Variants in MEIS2 observed in about 807,000 individuals in gnomAD.
The protein encoded by MEIS2 is homeobox protein Meis2.
In MEIS2, 9 loss-of-function variants were observed where a neutral mutation model predicts 58.6. That is an observed-to-expected ratio of 0.15 (90% CI 0.09 to 0.27). MEIS2 has a LOEUF of 0.27. Ranked by LOEUF, MEIS2 falls within the 10% of genes least tolerant of loss-of-function variation. MEIS2 has a pLI of 1.00. For synonymous variants in MEIS2, 221 were observed against 228.4 expected (o/e 0.97, Z 0.29); for missense variants, 427 against 635.0 (o/e 0.67, Z 3.52).
At chr15:36,986,659 G>A (rs992986986) in intron 8 of MEIS2, among the ~76,000 whole-genome samples, 1 of 152,170 alleles carries the variant, frequency 6.6e-6, no homozygotes, top group Non-Finnish European at 1.5e-5. Flanking sequence ...TCCTTTCTCA[G>A]AGGACCGAGT....
intron 7 of MEIS2, among the ~76,000 whole-genome samples, chr15:37,082,877 A>G (rs1892416412): frequency 6.7e-6 from 1 of 149,900 alleles, no homozygotes; most frequent in African/African-American, 2.5e-5. Flanking sequence ...TCGAGCTGTT[A>G]AACTGTCCTC....
intron 7 of MEIS2, among the ~76,000 whole-genome samples, chr15:37,066,019 C>T (rs1230382339): frequency 6.6e-6 from 1 of 152,196 alleles, no homozygotes; most frequent in Non-Finnish European, 1.5e-5. Flanking sequence ...TAGCCTTCAG[C>T]ACCTCTTGTA....
intron 7 of MEIS2, among the ~76,000 whole-genome samples, chr15:37,067,716 C>T (rs1890144372): frequency 6.6e-6 from 1 of 152,028 alleles, no homozygotes; most frequent in South Asian, 2.1e-4. Context: ...CCTGAGACTC[C>T]TTCTGCTCCA....
rs754963373 is a variant in MEIS2, at chr15:36,892,408, A to G, written c.1199T>C (p.Met400Thr). The part of the protein sequence containing the change: ...DYVSQGGPMG[M>T]SMAQPSYTPP... Reference sequence around the variant, plus strand: ...AGTGTAACTTGGCTGTGCCATACTCATTCCCATAGGACCACCCTGAGAAAC... The same window carrying G: ...AGTGTAACTTGGCTGTGCCATACTCGTTCCCATAGGACCACCCTGAGAAAC... Residue 400 changes from methionine (M) to threonine (T), a missense_variant, in exon 12 of 12, where the codon ATG becomes ACG. Around this residue, in one of 6 missense-constraint regions of MEIS2, gnomAD observed 154 missense variants for 148.1 expected, o/e 1.04. Coordinates refer to ENST00000561208, the MANE Select transcript of MEIS2 (RefSeq NM_170675.5). 4 of 1,613,994 alleles carry G rather than the reference A, an allele frequency of 2.5e-6. No individual in the cohort carries two copies. Among genetic ancestry groups the G allele is most frequent in the Non-Finnish European group, 3.4e-6 (4 of 1,179,974 alleles).
In MEIS2 at chr15:37,049,786, C is replaced by CTT. The variant is rs1038583509; in HGVS notation, c.755-12829_755-12828dup. Among the ~76,000 whole-genome samples the CTT allele has an allele frequency of 5.6e-5, 8 of 141,942 alleles. No homozygotes were observed. In the East Asian group the frequency reaches 1.0e-3, roughly 18 times the overall value. The allele number at this position is 141,942 out of a possible 152,430, so 93.1% of individuals were successfully genotyped here. On this transcript the variant is annotated intron_variant, in intron 7 of 11. Transcript: ENST00000561208. ...ACAGGCGTGAGCCACCGCAGCTGGC[C>CTT]TTTTTTTTTTTTTTAAGACCAGATT... is the stretch of plus-strand genomic sequence containing the variant.
intron 7 of MEIS2, among the ~76,000 whole-genome samples, chr15:37,058,532 A>C (rs539346882): frequency 3.2e-4 from 48 of 152,326 alleles, no homozygotes; most frequent in African/African-American, 1.1e-3. Context: ...CATCTCTCAC[A>C]GACGTCTCCG....
In MEIS2 at chr15:37,099,287, C is replaced by A. The variant is rs1473772494; in HGVS notation, c.12+168G>T. 2.0e-6 allele frequency: 3 copies of A among 1,484,214 alleles called. No individual in the cohort carries two copies. In the East Asian group the frequency reaches 7.2e-5, roughly 36 times the overall value. The allele number at this position is 1,484,214 out of a possible 1,614,324, so 91.9% of individuals were successfully genotyped here. On this transcript the variant is annotated intron_variant, in intron 1 of 11. Coordinates refer to ENST00000561208, the MANE Select transcript of MEIS2 (RefSeq NM_170675.5). ...ACACACACTCGCACACACGCAGAGG[C>A]ACGGGAGGGAAAGAAGCCGATGAAT...
At chr15:37,056,775 T>A (rs938244337) in intron 7 of MEIS2, among the ~76,000 whole-genome samples, 1 of 152,194 alleles carries the variant, frequency 6.6e-6, no homozygotes, top group South Asian at 2.1e-4. Flanking sequence ...TTCAAACCAG[T>A]GTGTCTTCAA....
intron 8 of MEIS2, among the ~76,000 whole-genome samples, chr15:36,966,501 CT>C (rs2059363240): frequency 6.6e-6 from 1 of 152,096 alleles, no homozygotes; most frequent in Non-Finnish European, 1.5e-5. Context: ...AGATTACTTA[CT>C]GTAAAACCTT....
At chr15:36,954,516 C>A (rs1298721231) in intron 8 of MEIS2, among the ~76,000 whole-genome samples, 2 of 148,716 alleles carry the variant, frequency 1.3e-5, no homozygotes, top group African/African-American at 2.5e-5. Context: ...AATTTATATA[C>A]TTCATATCTT....
At chr15:37,033,036 G>C in intron 8 of MEIS2, among the ~76,000 whole-genome samples, 1 of 152,270 alleles carries the variant, frequency 6.6e-6, no homozygotes, top group South Asian at 2.1e-4. Context: ...TGTTACAGTT[G>C]GAGTGGAACT....
intron 7 of MEIS2, among the ~76,000 whole-genome samples, chr15:37,061,039 T>C (rs10518928): frequency 0.2 from 30,356 of 152,140 alleles, 3,157 homozygotes; most frequent in East Asian, 0.31. Flanking sequence ...TAATTTTAAA[T>C]AGGCATGGTT....
chr15:36,915,040 T>C (rs1410539225), intron 9 of MEIS2, among the ~76,000 whole-genome samples: 1 of 152,158 alleles, frequency 6.6e-6, no homozygotes, highest in Non-Finnish European at 1.5e-5. Flanking sequence ...GTATCCTGTG[T>C]ATGTTCTTTT....
chr15:37,045,211 C>A (rs1334061960), intron 7 of MEIS2, among the ~76,000 whole-genome samples: 1 of 152,052 alleles, frequency 6.6e-6, no homozygotes, highest in South Asian at 2.1e-4. Context: ...GCCCACTGCC[C>A]AGCTTGTTTG....
intron 5 of MEIS2, 132 bp from the exon 6 acceptor site, chr15:37,093,862 C>T (rs760546806): frequency 9.7e-6 from 11 of 1,129,550 alleles, no homozygotes; most frequent in Admixed American, 8.3e-5. Flanking sequence ...GTCTTCCAAA[C>T]TAACTCTAAT....
At chr15:37,023,186 C>T (rs571971508) in intron 8 of MEIS2, among the ~76,000 whole-genome samples, 2 of 152,090 alleles carry the variant, frequency 1.3e-5, no homozygotes, top group South Asian at 2.1e-4. Context: ...TTTCATTAAA[C>T]GAAGGAAAGA....
chr15:36,955,645 C>T (rs1384009318), intron 8 of MEIS2, among the ~76,000 whole-genome samples: 1 of 152,138 alleles, frequency 6.6e-6, no homozygotes, highest in Non-Finnish European at 1.5e-5. Context: ...CTCTCTTTCT[C>T]TGACAAACAT....
chr15:37,090,984 A>T (rs866644505), intron 6 of MEIS2, among the ~76,000 whole-genome samples: 68 of 152,202 alleles, frequency 4.5e-4, no homozygotes, highest in African/African-American at 1.5e-3. Context: ...CCCCTGCACC[A>T]GTGTTCACCA....
rs1261122298 is a variant in MEIS2, at chr15:36,965,101, G to A, written c.901-14701C>T. Among the ~76,000 whole-genome samples the A allele has an allele frequency of 2.6e-5, 4 of 152,230 alleles. 1 individual carries two copies. Among genetic ancestry groups the A allele is most frequent in the Non-Finnish European group, 1.5e-5 (1 of 67,998 alleles). On this transcript the variant is annotated intron_variant, in intron 8 of 11. Coordinates refer to ENST00000561208, the MANE Select transcript of MEIS2 (RefSeq NM_170675.5). The stretch of plus-strand genomic sequence containing the variant: ...AATTAAATGCAAGAACTTAAGCTTC[G>A]AGTTCTCAATTTCTTTCCCTATGTT...
Sources: gnomAD v4.1 joint callset for allele counts (sites outside exome capture counted in the v4.1 genomes callset) on GRCh38, gnomAD v4.1.1 for gene constraint, gnomAD v4.1.1 regional missense constraint, MANE v1.5 for transcripts, NCBI Gene and HGNC (gene_info 2026-07-23, HGNC 2026-07-21) for gene names.